GPHN: variants seen among roughly 807,000 people sequenced by gnomAD.
GPHN encodes gephyrin.
A neutral mutation model predicts 95.5 loss-of-function variants in GPHN; 17 were observed. That is an observed-to-expected ratio of 0.18 (90% CI 0.12 to 0.27). The LOEUF is 0.27. Among genes scored for constraint, GPHN ranks in the 10% least tolerant of loss-of-function variants. The pLI, the probability that GPHN is intolerant of heterozygous loss-of-function variation, is 1.00. For missense variants in GPHN, 660 were observed against 978.1 expected (o/e 0.67, Z 4.34); for synonymous variants, 320 against 322.5 (o/e 0.99, Z 0.08).
At chr14:66,552,975 T>C (rs1224733885) in intron 1 of GPHN, among the ~76,000 whole-genome samples, 1 of 150,816 alleles carries the variant, frequency 6.6e-6, no homozygotes, top group Non-Finnish European at 1.5e-5. Flanking sequence ...TTTTTTTTTT[T>C]CTTTTTTCTT....
the GPHN span, among the ~76,000 whole-genome samples, chr14:67,503,941 A>G: frequency 6.6e-6 from 1 of 151,582 alleles, no homozygotes; most frequent in Non-Finnish European, 1.5e-5. Flanking sequence ...TGACCTCGTG[A>G]TCTGCCTGCC....
intron 11 of GPHN, among the ~76,000 whole-genome samples, chr14:67,086,394 G>T (rs2076883922): frequency 1.3e-5 from 2 of 152,208 alleles, no homozygotes. Flanking sequence ...GCTCACGCCT[G>T]TAATCCCAGC....
chr14:67,627,581 G>C, the GPHN span, among the ~76,000 whole-genome samples: 1 of 152,116 alleles, frequency 6.6e-6, no homozygotes, highest in Non-Finnish European at 1.5e-5. Context: ...TGATGTTTCT[G>C]AAGAGACTGT....
the GPHN span, among the ~76,000 whole-genome samples, chr14:67,563,701 G>A: frequency 1.3e-5 from 2 of 149,320 alleles, no homozygotes; most frequent in Non-Finnish European, 3.0e-5. Context: ...CCAAAGTGCT[G>A]GGATTGTAAG....
At chr14:66,682,204 T>A (rs1051745533) in intron 2 of GPHN, among the ~76,000 whole-genome samples, 1 of 152,202 alleles carries the variant, frequency 6.6e-6, no homozygotes, top group Non-Finnish European at 1.5e-5. Flanking sequence ...TCCATTTTTT[T>A]CTTTTCTCCA....
At chr14:66,522,955 A>T (rs2058542227) in intron 1 of GPHN, among the ~76,000 whole-genome samples, 1 of 152,094 alleles carries the variant, frequency 6.6e-6, no homozygotes, top group African/African-American at 2.4e-5. Flanking sequence ...TTTCAGTGGG[A>T]GTTTAGTATC....
intron 4 of GPHN, among the ~76,000 whole-genome samples, chr14:66,842,378 A>AT (rs1404103312): frequency 6.6e-6 from 1 of 152,130 alleles, no homozygotes; most frequent in Non-Finnish European, 1.5e-5. Flanking sequence ...AGGAAGTACC[A>AT]TTAGTTGACC....
chr14:67,657,895 C>A, the GPHN span, among the ~76,000 whole-genome samples: 1 of 151,848 alleles, frequency 6.6e-6, no homozygotes, highest in Non-Finnish European at 1.5e-5. Context: ...ATTACAGGCA[C>A]CCGCCACCAC....
chr14:67,301,851 C>G, the GPHN span: 1 of 1,108,736 alleles, frequency 9.0e-7, no homozygotes, highest in South Asian at 2.1e-5. Context: ...ATTATTAGCT[C>G]TAATTAATTA....
rs907476606 is a variant in GPHN, at chr14:67,137,592, T to C, written c.1749-5770T>C. Among the ~76,000 whole-genome samples, 31 of 152,208 alleles carry C rather than the reference T, an allele frequency of 2.0e-4. 1 individual carries two copies. The highest frequency in any genetic ancestry group is 1.8e-3 in the Admixed American group (28 of 15,292). On this transcript the variant is annotated intron_variant, in intron 17 of 22. Transcript: ENST00000478722. ...TAGCCTGGGCAACATGGTGAAACCC[T>C]GTCTACAAAAAACACAAAAAATATT...
intron 18 of GPHN, among the ~76,000 whole-genome samples, chr14:67,152,311 A>G (rs1471067544): frequency 1.3e-5 from 2 of 152,142 alleles, no homozygotes; most frequent in African/African-American, 2.4e-5. Context: ...ATATTATTGA[A>G]CCTTCACTAT....
At chr14:67,706,218 A>T in the GPHN span, 1 of 152,312 alleles carries the variant, frequency 6.6e-6, no homozygotes, top group African/African-American at 2.4e-5. Flanking sequence ...CAGCCACTAC[A>T]CTCCAGCCTG....
At chr14:66,672,387 A>G (rs1248396510) in intron 1 of GPHN, among the ~76,000 whole-genome samples, 1 of 152,280 alleles carries the variant, frequency 6.6e-6, no homozygotes, top group East Asian at 1.9e-4. Context: ...TTCTGCTTTT[A>G]TTGGATGAAG....
At chr14:67,481,738 C>T in the GPHN span, among the ~76,000 whole-genome samples, 7 of 152,200 alleles carry the variant, frequency 4.6e-5, no homozygotes, top group Admixed American at 1.3e-4. Context: ...TTCCCTGCCC[C>T]GGCCTCCACC....
At chr14:67,077,947 C>T (rs1381790316) in intron 11 of GPHN, among the ~76,000 whole-genome samples, 1 of 152,160 alleles carries the variant, frequency 6.6e-6, no homozygotes, top group East Asian at 1.9e-4. Context: ...GTTACATAGC[C>T]TTGCCTTTAA....
At chr14:67,144,266 T>TACAC (rs1567400854) in intron 18 of GPHN, among the ~76,000 whole-genome samples, 2 of 102,368 alleles carry the variant, frequency 2.0e-5, no homozygotes, top group South Asian at 3.0e-4. Context: ...TATATATATA[T>TACAC]ATATATATAT....
chr14:67,306,030 C>T, the GPHN span, among the ~76,000 whole-genome samples: 3 of 152,182 alleles, frequency 2.0e-5, no homozygotes, highest in African/African-American at 4.8e-5. Flanking sequence ...CAAGCAGTGG[C>T]ACCATCTGGG....
the GPHN span, among the ~76,000 whole-genome samples, chr14:67,688,419 T>C: frequency 1.3e-5 from 2 of 152,258 alleles, no homozygotes; most frequent in Middle Eastern, 3.4e-3. Context: ...AGATACTGTG[T>C]TGGAGTTTCA....
chr14:67,586,463 G>A, the GPHN span: 8 of 1,263,818 alleles, frequency 6.3e-6, no homozygotes, highest in Admixed American at 4.6e-5. Context: ...TAAGGTGCTC[G>A]CATGTTACCC....
Sources: allele counts gnomAD v4.1 joint callset (sites outside exome capture counted in the v4.1 genomes callset), GRCh38; gene constraint gnomAD v4.1.1; transcripts MANE v1.5; gene names NCBI Gene and HGNC (gene_info 2026-07-23, HGNC 2026-07-21).